The following ZMYM2 variants were observed in gnomAD, a reference collection of about 807,000 sequenced individuals.
ZMYM2 encodes the protein zinc finger MYM-type protein 2.
Under a neutral mutation model 162.8 loss-of-function variants are expected in ZMYM2, and 56 were observed. The observed-to-expected ratio is 0.34, with a 90% CI of 0.28 to 0.43. ZMYM2 has a LOEUF of 0.43. Among genes scored for constraint, ZMYM2 ranks in the 20% least tolerant of loss-of-function variants. The probability of loss-of-function intolerance (pLI) is 1.00; values close to 1 mark genes in which losing one functional copy is unlikely to be tolerated. For missense variants in ZMYM2, 1,275 were observed against 1,621.8 expected (o/e 0.79, Z 3.67); for synonymous variants, 510 against 541.6 (o/e 0.94, Z 0.81).
chr13:20,026,699 A>G lies in ZMYM2; in HGVS notation c.1672A>G (p.Met558Val), dbSNP rs763773613. ...TCAGTGTATAGGTCCTAATGGATAT[A>G]TGGAGCCATATTGTTCAACTGCTTG... ...MTQCIGPNGY[M>V]EPYCSTACMN... Residue 558 changes from methionine (M) to valine (V), a missense_variant, in exon 8 of 25, where the codon ATG becomes GTG. Physicochemically the swap from Met to Val is conservative, Grantham distance 21 (BLOSUM62 1). Coordinates refer to ENST00000610343, the MANE Select transcript of ZMYM2 (RefSeq NM_197968.4). 26 of 1,608,016 alleles carry G rather than the reference A, an allele frequency of 1.6e-5. No individual in the cohort carries two copies. The highest frequency in any genetic ancestry group is 2.1e-5 in the Non-Finnish European group (25 of 1,178,726).
rs1305646531 is a variant in ZMYM2, at chr13:20,061,214, C to T, written c.2901C>T (p.Thr967=). ...AAGACGAGGGGAAAACAGAGACAAC[C>T]AACATCAACAGTGAGCTACACTAAA... ...MSEDEGKTET[T]NINSVIIETD... is the part of the protein sequence containing the mutation. Residue 967 remains threonine (T), a synonymous_variant, in exon 17 of 25, where the codon ACC becomes ACT. Transcript: ENST00000610343. 6.2e-7 allele frequency: 1 copy of T among 1,613,394 alleles called. No homozygotes were observed. The highest frequency in any genetic ancestry group is 2.2e-5 in the East Asian group (1 of 44,874).
At chr13:20,013,422 G>A (rs777914773) in intron 6 of ZMYM2, among the ~76,000 whole-genome samples, 19 of 152,066 alleles carry the variant, frequency 1.2e-4, no homozygotes, top group African/African-American at 3.4e-4. Context: ...TTTCCAATTC[G>A]GATGCATTTT....
chr13:19,986,293 G>T (rs552422021), intron 2 of ZMYM2, among the ~76,000 whole-genome samples: 1 of 151,880 alleles, frequency 6.6e-6, no homozygotes, highest in Non-Finnish European at 1.5e-5. Context: ...AGCTACACAG[G>T]CAGGAGGAGC....
At chr13:19,903,481 TACAA>T in the ZMYM2 span, among the ~76,000 whole-genome samples, 1 of 7,382 alleles carries the variant, frequency 1.4e-4, no homozygotes, top group African/African-American at 4.0e-4. Context: ...CCACTAAAAA[TACAA>T]AAAAAAAAAA....
In ZMYM2 at chr13:20,036,968, G is replaced by C. The variant is rs975115498; in HGVS notation, c.2292+59G>C. On this transcript the variant is annotated intron_variant, in intron 12 of 24. Coordinates refer to ENST00000610343, the MANE Select transcript of ZMYM2 (RefSeq NM_197968.4). ...ACCAGTCTTAAAAAACGTTGTAGCT[G>C]TTACCATTACAAATCTGGCAACTCA... The C allele has an allele frequency of 4.2e-6, 6 of 1,445,038 alleles. No individual in the cohort carries two copies. In the African/African-American group the frequency reaches 8.6e-5, roughly 21 times the overall value. 89.5% of individuals were successfully genotyped at this position (1,445,038 alleles called of 1,614,324 possible). A position where few individuals can be genotyped will look rare whatever the true frequency, so the allele number is the denominator to read the frequency against.
At chr13:20,077,229 T>C (rs929036616) in intron 21 of ZMYM2, among the ~76,000 whole-genome samples, 2 of 150,670 alleles carry the variant, frequency 1.3e-5, no homozygotes, top group African/African-American at 2.5e-5. Flanking sequence ...GATAAGCATG[T>C]TGACAACTTA....
chr13:20,036,886 A>T lies in ZMYM2; in HGVS notation c.2269A>T (p.Lys757Ter). ...RDFCSEDCCK[K>*]FQDWYYKAAR... Reference sequence around the variant, plus strand: ...TTTCTGCAGTGAAGATTGCTGTAAAAAATTTCAGGATTGGTACTACAAGGC... The same window carrying T: ...TTTCTGCAGTGAAGATTGCTGTAAATAATTTCAGGATTGGTACTACAAGGC... The change falls in exon 12 of 25, where the codon AAA (lysine) becomes TAA (stop). Residue 757 changes from lysine to a stop codon, truncating the protein, a stop_gained. Coordinates refer to ENST00000610343, the MANE Select transcript of ZMYM2 (RefSeq NM_197968.4). LOFTEE classifies it high-confidence loss of function. 1 of 1,609,696 alleles carries T rather than the reference A, an allele frequency of 6.2e-7. No individual in the cohort carries two copies. Among genetic ancestry groups the T allele is most frequent in the East Asian group, 2.2e-5 (1 of 44,676 alleles).
At chr13:19,885,909 GTATATACACA>G in the ZMYM2 span, among the ~76,000 whole-genome samples, 585 of 81,954 alleles carry the variant, frequency 7.1e-3, 220 homozygotes, top group Non-Finnish European at 0.013. Flanking sequence ...ACATATATAT[GTATATACACA>G]TATATATGTG....
chr13:19,886,454 C>A, the ZMYM2 span, among the ~76,000 whole-genome samples: 1 of 151,660 alleles, frequency 6.6e-6, no homozygotes, highest in African/African-American at 2.4e-5. Context: ...TGAGCCACTG[C>A]GCCCAGCGAA....
chr13:20,083,272 G>A (rs994204537), intron 23 of ZMYM2, among the ~76,000 whole-genome samples: 16 of 152,264 alleles, frequency 1.1e-4, no homozygotes, highest in African/African-American at 3.4e-4. Context: ...ATGTTGGTGA[G>A]GCTGGTCTCG....
At chr13:19,926,432 C>T in the ZMYM2 span, among the ~76,000 whole-genome samples, 3 of 147,232 alleles carry the variant, frequency 2.0e-5, no homozygotes, top group Non-Finnish European at 3.0e-5. Flanking sequence ...GGTGCCATCT[C>T]GGCTCACCGC....
intron 12 of ZMYM2, among the ~76,000 whole-genome samples, chr13:20,038,384 G>T (rs1235178403): frequency 1.3e-5 from 2 of 152,076 alleles, no homozygotes; most frequent in Admixed American, 1.3e-4. Flanking sequence ...GCCTAGGTTG[G>T]CTTCAGGGGT....
At chr13:19,892,433 A>G in the ZMYM2 span, among the ~76,000 whole-genome samples, 5 of 150,824 alleles carry the variant, frequency 3.3e-5, no homozygotes, top group East Asian at 1.9e-4. Flanking sequence ...CGCCACGCCC[A>G]GCTAATTTTT....
chr13:20,007,131 ATGT>A (rs1456775017), intron 6 of ZMYM2, among the ~76,000 whole-genome samples: 2 of 152,054 alleles, frequency 1.3e-5, no homozygotes, highest in South Asian at 2.1e-4. Flanking sequence ...TTTAAGGTTA[ATGT>A]TGTTATCATT....
At chr13:19,928,351 T>A in the ZMYM2 span, among the ~76,000 whole-genome samples, 1 of 152,166 alleles carries the variant, frequency 6.6e-6, no homozygotes, top group Admixed American at 6.6e-5. Flanking sequence ...CATTCCTGTG[T>A]CAGGTAAGTG....
At chr13:19,984,630 A>G (rs1453335429) in intron 2 of ZMYM2, among the ~76,000 whole-genome samples, 1 of 152,174 alleles carries the variant, frequency 6.6e-6, no homozygotes, top group Non-Finnish European at 1.5e-5. Context: ...TTTTACTTTG[A>G]TAATGGAGAA....
intron 8 of ZMYM2, 25 bp downstream of exon 8, chr13:20,026,787 T>A: frequency 6.4e-7 from 1 of 1,562,214 alleles, no homozygotes; most frequent in Non-Finnish European, 8.6e-7. Context: ...TTTGGACAGT[T>A]AAAAAAACTT....
chr13:19,988,565 C>T (rs371290440), intron 2 of ZMYM2, among the ~76,000 whole-genome samples: 8 of 152,158 alleles, frequency 5.3e-5, no homozygotes, highest in African/African-American at 1.4e-4. Context: ...GGGTGGATCA[C>T]GAGGTCAAGA....
At chr13:20,071,355 C>T (rs778382475) in intron 21 of ZMYM2, among the ~76,000 whole-genome samples, 1 of 152,192 alleles carries the variant, frequency 6.6e-6, no homozygotes, top group Non-Finnish European at 1.5e-5. Flanking sequence ...AATGCGTAAA[C>T]AACAAAGGAA....
Sources: gnomAD v4.1 joint callset for allele counts (sites outside exome capture counted in the v4.1 genomes callset) on GRCh38, gnomAD v4.1.1 for gene constraint, MANE v1.5 for transcripts, NCBI Gene and HGNC (gene_info 2026-07-23, HGNC 2026-07-21) for gene names.